MARCHF1: variants seen among roughly 807,000 people sequenced by gnomAD.
MARCHF1 encodes membrane associated ring-CH-type finger 1.
MARCHF1 carries 40 observed loss-of-function variants against 54.2 expected under a neutral mutation model. That is an observed-to-expected ratio of 0.74 (90% CI 0.57 to 0.96). The LOEUF is 0.96. Among genes scored for constraint, MARCHF1 ranks in the 40% least tolerant of loss-of-function variants. The probability of loss-of-function intolerance (pLI) is 0.00; values close to 1 mark genes in which losing one functional copy is unlikely to be tolerated. For synonymous variants in MARCHF1, 236 were observed against 236.3 expected (o/e 1.00, Z 0.01); for missense variants, 586 against 656.5 (o/e 0.89, Z 1.17).
intron 1 of MARCHF1, among the ~76,000 whole-genome samples, chr4:164,362,487 A>G (rs1289149381): frequency 6.6e-6 from 1 of 152,138 alleles, no homozygotes; most frequent in Non-Finnish European, 1.5e-5. Context: ...TGCCTCCACC[A>G]GGGGCCTTGT....
chr4:164,380,670 A>T (rs1731339697), intron 1 of MARCHF1, among the ~76,000 whole-genome samples: 1 of 152,202 alleles, frequency 6.6e-6, no homozygotes, highest in South Asian at 2.1e-4. Flanking sequence ...CATTAACAGC[A>T]TTATTTTAAC....
At chr4:163,855,637 T>C (rs954812171) in intron 3 of MARCHF1, among the ~76,000 whole-genome samples, 1 of 152,170 alleles carries the variant, frequency 6.6e-6, no homozygotes, top group African/African-American at 2.4e-5. Context: ...ATGTTCTACT[T>C]CTAAATTATT....
At chr4:164,052,060 A>T (rs562225892) in intron 2 of MARCHF1, among the ~76,000 whole-genome samples, 3 of 152,136 alleles carry the variant, frequency 2.0e-5, no homozygotes, top group East Asian at 1.9e-4. Context: ...AATATTTGCT[A>T]TCTTATTTCT....
At chr4:163,575,303 T>C (rs1407258058) in intron 8 of MARCHF1, among the ~76,000 whole-genome samples, 1 of 152,164 alleles carries the variant, frequency 6.6e-6, no homozygotes, top group Non-Finnish European at 1.5e-5. Flanking sequence ...TCTGCATCTA[T>C]TGAGATGACC....
At chr4:163,901,064 C>T (rs1415095541) in intron 3 of MARCHF1, among the ~76,000 whole-genome samples, 2 of 152,094 alleles carry the variant, frequency 1.3e-5, no homozygotes, top group Non-Finnish European at 2.9e-5. Flanking sequence ...AGAACCATCC[C>T]ATTGTATATT....
chr4:163,791,861 AGC>A (rs1055630363), intron 4 of MARCHF1, among the ~76,000 whole-genome samples: 2 of 152,124 alleles, frequency 1.3e-5, no homozygotes, highest in African/African-American at 4.8e-5. Context: ...TTGCTTACAT[AGC>A]CCACTAGTCC....
At chr4:163,694,271 G>C (rs931448070) in intron 5 of MARCHF1, among the ~76,000 whole-genome samples, 1 of 152,106 alleles carries the variant, frequency 6.6e-6, no homozygotes, top group African/African-American at 2.4e-5. Flanking sequence ...CACTGGTTCA[G>C]TACACATCTC....
At chr4:163,670,607 ATT>A (rs966093232) in intron 5 of MARCHF1, among the ~76,000 whole-genome samples, 1 of 145,414 alleles carries the variant, frequency 6.9e-6, no homozygotes, top group Non-Finnish European at 1.5e-5. Flanking sequence ...CTCTCTATAT[ATT>A]TTTTGGTCTC....
At chr4:163,665,158 C>T (rs1743487089) in intron 5 of MARCHF1, among the ~76,000 whole-genome samples, 1 of 152,034 alleles carries the variant, frequency 6.6e-6, no homozygotes, top group African/African-American at 2.4e-5. Flanking sequence ...AGAATTAAGG[C>T]AAATTGATTC....
At chr4:163,713,758 G>A (rs754015284) in intron 4 of MARCHF1, among the ~76,000 whole-genome samples, 36 of 152,156 alleles carry the variant, frequency 2.4e-4, no homozygotes, top group African/African-American at 8.4e-4. Flanking sequence ...AGTGGGAGAG[G>A]TGTGAGACCC....
At chr4:164,343,191 G>C (rs1729977824) in intron 1 of MARCHF1, among the ~76,000 whole-genome samples, 1 of 151,978 alleles carries the variant, frequency 6.6e-6, no homozygotes. Flanking sequence ...ATGTTAATTG[G>C]CTTAATTGTG....
intron 2 of MARCHF1, among the ~76,000 whole-genome samples, chr4:164,043,513 C>G (rs981281571): frequency 3.9e-5 from 6 of 152,022 alleles, no homozygotes; most frequent in African/African-American, 1.5e-4. Flanking sequence ...GGACCCTCAG[C>G]CTGGCCCATA....
At chr4:164,369,789 T>G (rs1157820275) in intron 1 of MARCHF1, among the ~76,000 whole-genome samples, 2 of 152,134 alleles carry the variant, frequency 1.3e-5, no homozygotes, top group Non-Finnish European at 2.9e-5. Context: ...AAGTTCTAAA[T>G]ATTATACACA....
At chr4:164,263,146 G>A (rs1052498833) in intron 1 of MARCHF1, among the ~76,000 whole-genome samples, 1 of 152,050 alleles carries the variant, frequency 6.6e-6, no homozygotes, top group African/African-American at 2.4e-5. Flanking sequence ...GTGCGTGTGT[G>A]TGTGTGTGTG....
chr4:163,909,910 A>C (rs1231299491), intron 3 of MARCHF1, among the ~76,000 whole-genome samples: 1 of 152,216 alleles, frequency 6.6e-6, no homozygotes, highest in Admixed American at 6.5e-5. Flanking sequence ...CAATCAGTAC[A>C]TTGAGAAAAC....
intron 1 of MARCHF1, among the ~76,000 whole-genome samples, chr4:164,112,920 C>A (rs1225453955): frequency 6.7e-6 from 1 of 149,820 alleles, no homozygotes. Context: ...TTATGTATTA[C>A]AATTTTTAAA....
chr4:163,948,878 G>A (rs188268178), intron 3 of MARCHF1, among the ~76,000 whole-genome samples: 13 of 152,310 alleles, frequency 8.5e-5, no homozygotes, highest in Admixed American at 8.5e-4. Context: ...ACAAGTTGAA[G>A]GGTGAGAAAG....
At chr4:164,366,442 T>C (rs1173095576) in intron 1 of MARCHF1, among the ~76,000 whole-genome samples, 1 of 152,018 alleles carries the variant, frequency 6.6e-6, no homozygotes, top group East Asian at 1.9e-4. Context: ...TATAACTTAA[T>C]ATTGTATTTT....
chr4:164,197,720 C>A (rs1560949937), intron 1 of MARCHF1: 4 of 1,608,192 alleles, frequency 2.5e-6, no homozygotes, highest in Non-Finnish European at 3.4e-6. Flanking sequence ...ATCTCTCGCG[C>A]TCTCTGTCTG....
Sources: gnomAD v4.1 joint callset for allele counts (sites outside exome capture counted in the v4.1 genomes callset) on GRCh38, gnomAD v4.1.1 for gene constraint, MANE v1.5 for transcripts, NCBI Gene and HGNC (gene_info 2026-07-23, HGNC 2026-07-21) for gene names.